MDGA2: variants seen among roughly 807,000 people sequenced by gnomAD.
The protein encoded by MDGA2 is MAM domain-containing glycosylphosphatidylinositol anchor protein 2.
Under a neutral mutation model 117.8 loss-of-function variants are expected in MDGA2, and 40 were observed. The observed-to-expected ratio is 0.34, with a 90% confidence interval of 0.26 to 0.44. The LOEUF (loss-of-function observed/expected upper bound fraction) is 0.44. Among genes scored for constraint, MDGA2 ranks in the 20% least tolerant of loss-of-function variants. MDGA2 has a pLI of 1.00. For missense variants in MDGA2, 1,123 were observed against 1,250.6 expected, an observed-to-expected ratio of 0.90 and a Z score of 1.54; for synonymous variants, 452 against 439.0, an observed-to-expected ratio of 1.03 and a Z score of -0.37.
At chr14:47,405,733 G>A (rs763401006) in intron 1 of MDGA2, among the ~76,000 whole-genome samples, 9 of 152,090 alleles carry the variant, frequency 5.9e-5, no homozygotes, top group Non-Finnish European at 1.0e-4. Context: ...CCAAGCACTT[G>A]GGGCATGAAG....
intron 3 of MDGA2, among the ~76,000 whole-genome samples, chr14:47,208,232 G>A (rs1055583853): frequency 2.0e-5 from 3 of 151,866 alleles, no homozygotes; most frequent in South Asian, 2.1e-4. Context: ...CCTTACTCAC[G>A]GTATAGACCA....
At chr14:47,487,151 C>T (rs1325155942) in intron 1 of MDGA2, among the ~76,000 whole-genome samples, 1 of 152,168 alleles carries the variant, frequency 6.6e-6, no homozygotes, top group Admixed American at 6.5e-5. Flanking sequence ...AGCAGTATCA[C>T]AGGACCCGTT....
chr14:47,133,982 T>A (rs1882333269), intron 4 of MDGA2, among the ~76,000 whole-genome samples: 1 of 152,070 alleles, frequency 6.6e-6, no homozygotes, highest in Non-Finnish European at 1.5e-5. Context: ...TTTTTTCAGC[T>A]TTATTGAAGT....
intron 2 of MDGA2, among the ~76,000 whole-genome samples, chr14:47,243,991 T>A (rs1179931039): frequency 6.6e-6 from 1 of 151,906 alleles, no homozygotes; most frequent in Non-Finnish European, 1.5e-5. Flanking sequence ...AAATTTATGA[T>A]CTATAAATAA....
At position 47,509,585 on chromosome 14, in the gene MDGA2, T is replaced by C. The variant is rs181282400; in HGVS notation, c.280+164932A>G. ...CTGTGGGACCTAGACAGAGAGCCAC[T>C]GGGGTGGGGGGCCTTCCTACCAAGC... On this transcript the variant is annotated intron_variant, in intron 1 of 16. Coordinates refer to ENST00000399232, the MANE Select transcript of MDGA2 (RefSeq NM_001113498.3). Among the ~76,000 whole-genome samples, 25 of 152,190 alleles carry C rather than the reference T, an allele frequency of 1.6e-4. No homozygotes were observed. The East Asian group carries it at 4.5e-3, about 27-fold the overall frequency.
intron 3 of MDGA2, among the ~76,000 whole-genome samples, chr14:47,214,061 C>T (rs1022282390): frequency 6.6e-6 from 1 of 152,086 alleles, no homozygotes; most frequent in Admixed American, 6.6e-5. Flanking sequence ...CATAAAAACT[C>T]ACTATCACGA....
chr14:47,221,056 TC>T (rs1411850940), intron 2 of MDGA2, among the ~76,000 whole-genome samples: 50 of 152,314 alleles, frequency 3.3e-4, no homozygotes, highest in African/African-American at 1.2e-3. Context: ...TAATAGATAT[TC>T]ATTTAATGAA....
intron 5 of MDGA2, among the ~76,000 whole-genome samples, chr14:47,107,232 G>A (rs560518206): frequency 2.0e-5 from 3 of 152,076 alleles, no homozygotes; most frequent in East Asian, 3.9e-4. Flanking sequence ...ACCTGCTACA[G>A]CATGGCCTTT....
At position 47,250,282 on chromosome 14, in the gene MDGA2, T is replaced by C. The variant is rs183098168; in HGVS notation, c.421-32087A>G. On this transcript the variant is annotated intron_variant, in intron 2 of 16. Transcript: ENST00000399232. ...TCAAAACTTGGAACAGACCACATGATACAATCCAAGCTGGCTTCAGGGAGC... is the reference window on the plus strand; with the variant it reads ...TCAAAACTTGGAACAGACCACATGACACAATCCAAGCTGGCTTCAGGGAGC... 1.8e-4 allele frequency among the ~76,000 whole-genome samples: 28 copies of C among 152,338 alleles called. No homozygotes were observed. In the East Asian group the frequency reaches 4.2e-3, roughly 23 times the overall value.
intron 8 of MDGA2, among the ~76,000 whole-genome samples, chr14:46,975,413 C>T (rs1886418047): frequency 6.6e-6 from 1 of 152,060 alleles, no homozygotes; most frequent in South Asian, 2.1e-4. Context: ...CGGCATTATT[C>T]ACAACACCTA....
At chr14:47,040,727 T>C (rs1490296894) in intron 7 of MDGA2, among the ~76,000 whole-genome samples, 1 of 152,216 alleles carries the variant, frequency 6.6e-6, no homozygotes, top group Non-Finnish European at 1.5e-5. Context: ...AAATCCAGGC[T>C]GACCTGGTTA....
At chr14:47,595,234 T>C (rs1281999168) in intron 1 of MDGA2, among the ~76,000 whole-genome samples, 2 of 141,458 alleles carry the variant, frequency 1.4e-5, no homozygotes, top group Non-Finnish European at 3.1e-5. Flanking sequence ...TCTATAGCAT[T>C]AGAGAAAAAA....
At chr14:47,255,723 G>C (rs977415813) in intron 2 of MDGA2, among the ~76,000 whole-genome samples, 12 of 151,848 alleles carry the variant, frequency 7.9e-5, no homozygotes, top group Non-Finnish European at 1.3e-4. Flanking sequence ...TCAACTGCTT[G>C]TCATAGTACC....
intron 1 of MDGA2, among the ~76,000 whole-genome samples, chr14:47,386,886 C>T (rs1316392161): frequency 6.6e-6 from 1 of 152,130 alleles, no homozygotes; most frequent in Non-Finnish European, 1.5e-5. Flanking sequence ...GTCTTATTTT[C>T]CTCATCTGCA....
chr14:47,502,478 C>T (rs1035356064), intron 1 of MDGA2, among the ~76,000 whole-genome samples: 1 of 152,078 alleles, frequency 6.6e-6, no homozygotes, highest in Non-Finnish European at 1.5e-5. Flanking sequence ...AGAGAAATGC[C>T]ACTCATCAGT....
chr14:46,964,658 T>A (rs574170200), intron 8 of MDGA2, among the ~76,000 whole-genome samples: 38 of 152,224 alleles, frequency 2.5e-4, no homozygotes, highest in African/African-American at 8.7e-4. Flanking sequence ...GGTAGAGAAG[T>A]TTGGAATGAT....
chr14:46,950,251 T>C (rs760209045), intron 9 of MDGA2, among the ~76,000 whole-genome samples: 12 of 151,974 alleles, frequency 7.9e-5, no homozygotes, highest in Non-Finnish European at 1.6e-4. Flanking sequence ...CTATATTTTA[T>C]CTAGATTGAT....
At chr14:47,355,462 T>C (rs900551607) in intron 1 of MDGA2, among the ~76,000 whole-genome samples, 1 of 152,142 alleles carries the variant, frequency 6.6e-6, no homozygotes, top group Non-Finnish European at 1.5e-5. Flanking sequence ...ATTCTACAGC[T>C]AGATCTTTTC....
At chr14:47,604,167 T>C (rs975095496) in intron 1 of MDGA2, among the ~76,000 whole-genome samples, 4 of 152,146 alleles carry the variant, frequency 2.6e-5, no homozygotes, top group East Asian at 1.9e-4. Flanking sequence ...TTAACTTACA[T>C]ATGGCTGATT....
Sources: allele counts gnomAD v4.1 joint callset (sites outside exome capture counted in the v4.1 genomes callset), GRCh38; gene constraint gnomAD v4.1.1; transcripts MANE v1.5; gene names NCBI Gene and HGNC (gene_info 2026-07-23, HGNC 2026-07-21).